The following FAM117B variants were observed in gnomAD, a reference collection of about 807,000 sequenced individuals.
FAM117B encodes protein FAM117B.
A neutral mutation model predicts 52.8 loss-of-function variants in FAM117B; 22 were observed. The ratio of observed to expected loss-of-function variants is 0.42; its 90% confidence interval spans 0.30 to 0.59. FAM117B has a LOEUF of 0.59. FAM117B is among the 20% of genes least tolerant of loss of function. FAM117B has a pLI of 0.22. For synonymous variants in FAM117B, 309 were observed against 324.1 expected (o/e 0.95, Z 0.50); for missense variants, 678 against 802.6 (o/e 0.84, Z 1.88).
intron 1 of FAM117B, among the ~76,000 whole-genome samples, chr2:202,687,261 A>T (rs1690555492): frequency 6.6e-6 from 1 of 152,230 alleles, no homozygotes; most frequent in South Asian, 2.1e-4. Flanking sequence ...TAATAATAGG[A>T]AGTAGGTCAG....
intron 1 of FAM117B, among the ~76,000 whole-genome samples, chr2:202,673,437 T>G (rs1690329991): frequency 3.5e-5 from 2 of 57,394 alleles, no homozygotes; most frequent in African/African-American, 4.9e-5. Context: ...TTTTCTGTTT[T>G]TTTTTTTTTT....
At chr2:202,647,968 G>A (rs979651170) in intron 1 of FAM117B, among the ~76,000 whole-genome samples, 5 of 151,966 alleles carry the variant, frequency 3.3e-5, no homozygotes, top group Non-Finnish European at 7.4e-5. Context: ...TGGAGTCTTC[G>A]CCCTCAAGGA....
intron 1 of FAM117B, among the ~76,000 whole-genome samples, chr2:202,690,276 A>C (rs542408403): frequency 6.6e-6 from 1 of 152,236 alleles, no homozygotes; most frequent in Admixed American, 6.5e-5. Flanking sequence ...AATTTATTGC[A>C]TACACTTGTC....
At chr2:202,694,749 A>G (rs1287252067) in intron 1 of FAM117B, among the ~76,000 whole-genome samples, 1 of 152,176 alleles carries the variant, frequency 6.6e-6, no homozygotes, top group African/African-American at 2.4e-5. Flanking sequence ...CAAGGGATCA[A>G]TTAGCAAGGT....
chr2:202,701,947 G>A (rs1690801082), intron 2 of FAM117B, among the ~76,000 whole-genome samples: 1 of 152,184 alleles, frequency 6.6e-6, no homozygotes, highest in Admixed American at 6.5e-5. Context: ...AGTTGTTAAA[G>A]CAGTAGCAGG....
chr2:202,724,929 T>TG lies in FAM117B; in HGVS notation c.769dup (p.Ala257GlyfsTer2), dbSNP rs772796953. On this transcript the variant is annotated frameshift_variant, in exon 3 of 8. Coordinates refer to ENST00000392238, the MANE Select transcript of FAM117B (RefSeq NM_173511.4). LOFTEE classifies it high-confidence loss of function. Reference sequence around the variant, plus strand: ...TTTTTCATTACAGACAGAGAGTGCATGGGCTGAAGAATACTCTGAAAAGAA... The same window carrying TG: ...TTTTTCATTACAGACAGAGAGTGCATGGGGCTGAAGAATACTCTGAAAAGAA... 6.2e-7 allele frequency: 1 copy of TG among 1,610,610 alleles called. No individual in the cohort carries two copies. The highest frequency in any genetic ancestry group is 8.5e-7 in the Non-Finnish European group (1 of 1,177,956).
chr2:202,687,820 T>C lies in FAM117B; in HGVS notation c.602-8061T>C, dbSNP rs556186905. On this transcript the variant is annotated intron_variant, in intron 1 of 7. Coordinates refer to ENST00000392238, the MANE Select transcript of FAM117B (RefSeq NM_173511.4). ...CCTTATCTTTTTGATACTATGCCTA[T>C]GGGAAATCATTTTGGTTAAATCAAT... Among the ~76,000 whole-genome samples the C allele has an allele frequency of 1.3e-4, 20 of 152,356 alleles. No homozygotes were observed. In the South Asian group the frequency reaches 4.1e-3, roughly 32 times the overall value.
At position 202,635,410 on chromosome 2, in the gene FAM117B, G is replaced by A. The variant is rs1356580068; in HGVS notation, c.223G>A (p.Gly75Ser). The change falls in exon 1 of 8, where the codon GGC becomes AGC. Residue 75 changes from glycine to serine, a missense_variant. Physicochemically the swap from Gly to Ser is moderately conservative, Grantham distance 56. Coordinates refer to ENST00000392238, the MANE Select transcript of FAM117B (RefSeq NM_173511.4). ...NNGGCCGGASGPAGGGGGGGP... is the reference protein window; with the variant it reads ...NNGGCCGGASSPAGGGGGGGP... ...CGGTGGCTGCTGTGGTGGCGCCTCA[G>A]GCCCCGCAGGCGGCGGCGGCGGCGG... The A allele has an allele frequency of 2.1e-5, 26 of 1,252,360 alleles. No homozygotes were observed. Among genetic ancestry groups the A allele is most frequent in the Middle Eastern group, 5.9e-4 (2 of 3,366 alleles). 77.6% of individuals were successfully genotyped at this position (1,252,360 alleles called of 1,614,324 possible).
chr2:202,741,575 TGCCCATGCTGG>T (rs1013804454), intron 4 of FAM117B, among the ~76,000 whole-genome samples: 1 of 151,332 alleles, frequency 6.6e-6, no homozygotes, highest in Non-Finnish European at 1.5e-5. Context: ...CTTGCTCTGT[TGCCCATGCTGG>T]AGTGCAGTGG....
intron 1 of FAM117B, among the ~76,000 whole-genome samples, chr2:202,662,768 C>T (rs536710799): frequency 1.1e-4 from 16 of 152,066 alleles, no homozygotes; most frequent in South Asian, 1.0e-3. Flanking sequence ...TGCTTGAACC[C>T]GGGAGGCGTA....
Position 202,634,994 on chromosome 2 carries a change from A to AGCAGCGGCGGCGGCG in FAM117B, c.-192_-191insAGCGGCGGCGGCGGC, listed in dbSNP as rs760350219. Among the ~76,000 whole-genome samples, 17 of 147,534 alleles carry AGCAGCGGCGGCGGCG rather than the reference A, an allele frequency of 1.2e-4. No homozygotes were observed. The highest frequency in any genetic ancestry group is 4.3e-4 in the African/African-American group (17 of 39,600). On this transcript the variant is annotated 5_prime_UTR_variant, in exon 1 of 8. Coordinates refer to ENST00000392238, the MANE Select transcript of FAM117B (RefSeq NM_173511.4). ...AGAGGAGACACTATTGTTGATGAGG[A>AGCAGCGGCGGCGGCG]GCGGCGGCGGCGGCGGCGGCGGCTG... is the stretch of plus-strand genomic sequence containing the variant.
At position 202,740,173 on chromosome 2, in the gene FAM117B, CCAAAAAAAAAAA is replaced by C. The variant is rs1280691833; in HGVS notation, c.960+13811_960+13822del. Among the ~76,000 whole-genome samples the C allele has an allele frequency of 7.5e-3, 520 of 69,716 alleles. 9 individuals carry two copies. Among genetic ancestry groups the C allele is most frequent in the African/African-American group, 0.025 (429 of 17,496 alleles). The allele number at this position is 69,716 out of a possible 152,430, so 45.7% of individuals were successfully genotyped here. A position where few individuals can be genotyped will look rare whatever the true frequency, so the allele number is the denominator to read the frequency against. ...GGAGGACAGAGCGAGACTTCATCCCCCAAAAAAAAAAAAAAAAAAAAAAAAAAAATCCCCAAA... is the reference window on the plus strand; with the variant it reads ...GGAGGACAGAGCGAGACTTCATCCCCAAAAAAAAAAAAAAAAATCCCCAAA... On this transcript the variant is annotated intron_variant, in intron 4 of 7. Coordinates refer to ENST00000392238, the MANE Select transcript of FAM117B (RefSeq NM_173511.4).
rs963415329 is a variant in FAM117B, at chr2:202,769,455, G to A, written c.*3691G>A. ...AAGAATGCTTAACTCTGCACTTTAA[G>A]TTCTACTCTGACCAAATTGAAGATG... On this transcript the variant is annotated 3_prime_UTR_variant, in exon 8 of 8. Coordinates refer to ENST00000392238, the MANE Select transcript of FAM117B (RefSeq NM_173511.4). 2.6e-5 allele frequency: 4 copies of A among 152,568 alleles called. No individual in the cohort carries two copies. The highest frequency in any genetic ancestry group is 2.6e-4 in the Admixed American group (4 of 15,282). 9.5% of individuals were successfully genotyped at this position (152,568 alleles called of 1,614,324 possible).
At chr2:202,759,448 G>C in intron 7 of FAM117B, 95 bp downstream of exon 7, 16 of 1,456,318 alleles carry the variant, frequency 1.1e-5, no homozygotes, top group Non-Finnish European at 1.5e-5. Context: ...GGACTGCACT[G>C]ATGCAGTCAC....
intron 1 of FAM117B, among the ~76,000 whole-genome samples, chr2:202,679,017 ATAATT>A (rs1380773902): frequency 6.6e-6 from 1 of 152,202 alleles, no homozygotes; most frequent in African/African-American, 2.4e-5. Flanking sequence ...TCTGCCTAAA[ATAATT>A]TAATAACTCC....
At chr2:202,703,973 C>T (rs1455141177) in intron 2 of FAM117B, among the ~76,000 whole-genome samples, 2 of 152,164 alleles carry the variant, frequency 1.3e-5, no homozygotes, top group Non-Finnish European at 2.9e-5. Flanking sequence ...TATTTACTAA[C>T]ACTTGTTTGA....
chr2:202,696,080 C>A (rs1690708051), intron 2 of FAM117B, 48 bp downstream of exon 2: 2 of 1,578,330 alleles, frequency 1.3e-6, no homozygotes, highest in Non-Finnish European at 1.7e-6. Context: ...TCTGAAGCTA[C>A]TTCTTCTAAT....
In FAM117B at chr2:202,755,658, G is replaced by A. The variant is rs942876658; in HGVS notation, c.1081G>A (p.Gly361Arg). ...GATTGAAATAATAATTAAAGAGACT[G>A]GGGAAAAGGAAGAGCAACTTATAGT... ...QEIEIIIKET[G>R]EKEEQLIPQD... is the part of the protein sequence containing the mutation. The change falls in exon 5 of 8, where the codon GGG becomes AGG. Residue 361 changes from glycine to arginine, a missense_variant. Gly to Arg is a moderately radical substitution (Grantham distance 125). Around this residue, in one of 3 missense-constraint regions of FAM117B, gnomAD observed 583 missense variants for 644.8 expected, o/e 0.90. Coordinates refer to ENST00000392238, the MANE Select transcript of FAM117B (RefSeq NM_173511.4). 6.2e-7 allele frequency: 1 copy of A among 1,613,262 alleles called. No individual in the cohort carries two copies. Among genetic ancestry groups the A allele is most frequent in the Admixed American group, 1.7e-5 (1 of 59,954 alleles).
intron 2 of FAM117B, among the ~76,000 whole-genome samples, chr2:202,696,488 T>A (rs577392984): frequency 2.6e-5 from 4 of 152,334 alleles, no homozygotes; most frequent in Admixed American, 2.6e-4. Flanking sequence ...TTCAAAACCA[T>A]CCTGGTCCTC....
Sources: gnomAD v4.1 joint callset for allele counts (sites outside exome capture counted in the v4.1 genomes callset) on GRCh38, gnomAD v4.1.1 for gene constraint, gnomAD v4.1.1 regional missense constraint, MANE v1.5 for transcripts, NCBI Gene and HGNC (gene_info 2026-07-23, HGNC 2026-07-21) for gene names.